The following FBXL7 variants were observed in gnomAD, a reference collection of about 807,000 sequenced individuals.
FBXL7 encodes the protein F-box and leucine rich repeat protein 7, also known as F-box/LRR-repeat protein 7.
A neutral mutation model predicts 38.3 loss-of-function variants in FBXL7; 12 were observed. The ratio of observed to expected loss-of-function variants is 0.31; its 90% CI spans 0.20 to 0.51. FBXL7 has a LOEUF of 0.51. Among genes scored for constraint, FBXL7 ranks in the 20% least tolerant of loss-of-function variants. The pLI is 0.98. For synonymous variants in FBXL7, 297 were observed against 300.9 expected (o/e 0.99, Z 0.13); for missense variants, 567 against 676.4 (o/e 0.84, Z 1.79).
At chr5:15,887,528 A>C (rs1473900718) in intron 2 of FBXL7, among the ~76,000 whole-genome samples, 3 of 152,242 alleles carry the variant, frequency 2.0e-5, no homozygotes, top group African/African-American at 7.2e-5. Context: ...CCATTTGTAC[A>C]GCTGTTGTTG....
intron 2 of FBXL7, among the ~76,000 whole-genome samples, chr5:15,770,001 G>A (rs761156101): frequency 2.0e-5 from 3 of 152,112 alleles, no homozygotes; most frequent in Non-Finnish European, 2.9e-5. Flanking sequence ...TTATCTTCTG[G>A]TAGGTCAGTT....
chr5:15,844,632 C>G (rs564405589), intron 2 of FBXL7, among the ~76,000 whole-genome samples: 1 of 152,206 alleles, frequency 6.6e-6, no homozygotes, highest in African/African-American at 2.4e-5. Flanking sequence ...GGCCACAGCC[C>G]CCAGTGTCTT....
intron 2 of FBXL7, among the ~76,000 whole-genome samples, chr5:15,623,099 A>G (rs986853890): frequency 2.0e-5 from 3 of 152,210 alleles, no homozygotes; most frequent in Non-Finnish European, 2.9e-5. Flanking sequence ...AACTTTCGCT[A>G]TTTAATTCTC....
rs375299273 is a variant in FBXL7, at chr5:15,616,068, C to T, written c.123C>T (p.Ser41=). 1.2e-4 allele frequency: 199 copies of T among 1,609,490 alleles called. No individual in the cohort carries two copies. Among genetic ancestry groups the T allele is most frequent in the Non-Finnish European group, 1.6e-4 (190 of 1,176,482 alleles). ...PTKAQKNVAT[S]EDSDLSMRTL... is the part of the protein sequence containing the mutation. ...AAGCCCAGAAGAATGTGGCTACCAG[C>T]GAAGGTAGGCAGCTGGTCTTCATTA... The change falls in exon 2 of 4, where the codon AGC becomes AGT. Residue 41 remains serine, a synonymous_variant. Coordinates refer to ENST00000504595, the MANE Select transcript of FBXL7 (RefSeq NM_012304.5).
At chr5:15,767,009 T>A (rs1736609223) in intron 2 of FBXL7, among the ~76,000 whole-genome samples, 1 of 152,250 alleles carries the variant, frequency 6.6e-6, no homozygotes, top group African/African-American at 2.4e-5. Flanking sequence ...TTTCTTGAAC[T>A]TTTATTTTAA....
intron 1 of FBXL7, among the ~76,000 whole-genome samples, chr5:15,609,706 G>A (rs1027777969): frequency 1.3e-5 from 2 of 152,182 alleles, no homozygotes; most frequent in African/African-American, 2.4e-5. Context: ...GGTGACTCCA[G>A]AAGCTGCAGC....
chr5:15,745,073 G>GA (rs980468270), intron 2 of FBXL7, among the ~76,000 whole-genome samples: 2 of 152,026 alleles, frequency 1.3e-5, no homozygotes, highest in Non-Finnish European at 2.9e-5. Context: ...CAAGTTTGCT[G>GA]AAAAAAACCT....
chr5:15,529,455 G>A (rs201034081), intron 1 of FBXL7, among the ~76,000 whole-genome samples: 41 of 151,664 alleles, frequency 2.7e-4, no homozygotes, highest in East Asian at 2.5e-3. Flanking sequence ...GCGCGATCTC[G>A]GCTCACTGCA....
At chr5:15,836,856 C>A (rs978679143) in intron 2 of FBXL7, among the ~76,000 whole-genome samples, 2 of 152,108 alleles carry the variant, frequency 1.3e-5, no homozygotes, top group African/African-American at 4.8e-5. Context: ...AGTGACAAAC[C>A]TTATCAAGAG....
intron 1 of FBXL7, among the ~76,000 whole-genome samples, chr5:15,524,556 C>T (rs1241754131): frequency 6.6e-6 from 1 of 152,150 alleles, no homozygotes; most frequent in African/African-American, 2.4e-5. Context: ...TTAGCACAAA[C>T]TTAGTAGGAT....
chr5:15,785,062 C>A (rs1012801149), intron 2 of FBXL7, among the ~76,000 whole-genome samples: 1 of 152,116 alleles, frequency 6.6e-6, no homozygotes, highest in African/African-American at 2.4e-5. Flanking sequence ...GCATGATGAG[C>A]CAAACTTCTG....
intron 2 of FBXL7, among the ~76,000 whole-genome samples, chr5:15,734,503 G>A (rs1473166461): frequency 6.6e-6 from 1 of 152,144 alleles, no homozygotes; most frequent in Non-Finnish European, 1.5e-5. Context: ...GTATCAAGTG[G>A]GGTAACAAAT....
chr5:15,555,998 T>TATCTATCTA (rs1466751530), intron 1 of FBXL7, among the ~76,000 whole-genome samples: 1 of 121,426 alleles, frequency 8.2e-6, no homozygotes, highest in Non-Finnish European at 1.7e-5. Flanking sequence ...TCTATCTATC[T>TATCTATCTA]ATCTATCTAT....
At chr5:15,571,860 G>T (rs534818335) in intron 1 of FBXL7, among the ~76,000 whole-genome samples, 2 of 152,088 alleles carry the variant, frequency 1.3e-5, no homozygotes, top group Non-Finnish European at 2.9e-5. Context: ...AAGTGACTGC[G>T]TGCATCATCT....
chr5:15,794,798 A>C (rs1471482320), intron 2 of FBXL7, among the ~76,000 whole-genome samples: 1 of 152,242 alleles, frequency 6.6e-6, no homozygotes, highest in Non-Finnish European at 1.5e-5. Flanking sequence ...ACAACAAAAA[A>C]GCTATTGTTT....
chr5:15,688,488 A>T (rs1743086375), intron 2 of FBXL7, among the ~76,000 whole-genome samples: 1 of 152,050 alleles, frequency 6.6e-6, no homozygotes, highest in Non-Finnish European at 1.5e-5. Flanking sequence ...ATCCGGTAAC[A>T]CAAACCATTC....
chr5:15,842,181 C>A (rs1267487767), intron 2 of FBXL7, among the ~76,000 whole-genome samples: 2 of 152,162 alleles, frequency 1.3e-5, no homozygotes, highest in Non-Finnish European at 1.5e-5. Flanking sequence ...ACCACAGGGA[C>A]CAATCTGCCC....
intron 2 of FBXL7, among the ~76,000 whole-genome samples, chr5:15,620,876 G>A (rs1172446955): frequency 2.0e-5 from 3 of 152,152 alleles, no homozygotes; most frequent in East Asian, 3.8e-4. Context: ...CTTTCCCTGC[G>A]TAGTCTCTCA....
chr5:15,602,237 CA>C (rs1739820804), intron 1 of FBXL7: 1 of 151,966 alleles, frequency 6.6e-6, no homozygotes, highest in African/African-American at 2.4e-5. Context: ...TTAGTGGAAA[CA>C]AATACGGAGT....
Sources: allele counts gnomAD v4.1 joint callset (sites outside exome capture counted in the v4.1 genomes callset), GRCh38; gene constraint gnomAD v4.1.1; transcripts MANE v1.5; gene names NCBI Gene and HGNC (gene_info 2026-07-23, HGNC 2026-07-21).